The following TTC12 variants were observed in gnomAD, a reference collection of about 807,000 sequenced individuals.
The protein encoded by TTC12 is tetratricopeptide repeat protein 12.
A neutral mutation model predicts 90.1 loss-of-function variants in TTC12; 70 were observed. That is an observed-to-expected ratio of 0.78 (90% CI 0.64 to 0.95). The LOEUF is 0.95. Ranked by LOEUF, TTC12 falls within the 40% of genes least tolerant of loss-of-function variation. The probability of loss-of-function intolerance (pLI) is 0.00; values close to 1 mark genes in which losing one functional copy is unlikely to be tolerated. For synonymous variants in TTC12, 296 were observed against 311.5 expected, an observed-to-expected ratio of 0.95 and a Z score of 0.53; for missense variants, 819 against 846.1, an observed-to-expected ratio of 0.97 and a Z score of 0.40.
chr11:113,325,827 C>G, intron 6 of TTC12, 182 bp downstream of exon 6: 1 of 702,416 alleles, frequency 1.4e-6, no homozygotes, highest in South Asian at 2.1e-5. Flanking sequence ...TGCAAATATT[C>G]TCACCATGAT....
chr11:113,316,545 C>T (rs1317630742), intron 2 of TTC12, among the ~76,000 whole-genome samples: 3 of 152,208 alleles, frequency 2.0e-5, no homozygotes, highest in East Asian at 1.9e-4. Flanking sequence ...TTCAGGCTGA[C>T]GGTTTTCTTC....
chr11:113,357,727 G>T (rs1949702573), intron 16 of TTC12, among the ~76,000 whole-genome samples: 1 of 152,174 alleles, frequency 6.6e-6, no homozygotes, highest in South Asian at 2.1e-4. Context: ...TTCTGGACTG[G>T]ATGCTCTAAC....
At chr11:113,364,073 A>G in intron 20 of TTC12, 146 bp downstream of exon 20, 1 of 607,554 alleles carries the variant, frequency 1.6e-6, no homozygotes, top group African/African-American at 1.9e-5. Context: ...AAGATGTTTC[A>G]CATCCAGATC....
rs565626956 is a variant in TTC12, at chr11:113,364,609, G to A, written c.1817-226G>A. 166 of 551,472 alleles carry A rather than the reference G, an allele frequency of 3.0e-4. 2 individuals carry two copies. The highest frequency in any genetic ancestry group is 2.8e-3 in the South Asian group (140 of 49,404). 34.2% of individuals were successfully genotyped at this position (551,472 alleles called of 1,614,324 possible). On this transcript the variant is annotated intron_variant, in intron 20 of 21. Transcript: ENST00000529221. Reference sequence around the variant, plus strand: ...TCATCTAACAACTGTGTTGTGCTGGGCACTGTTCTAGGAAGCGGAGATACT... The same window carrying A: ...TCATCTAACAACTGTGTTGTGCTGGACACTGTTCTAGGAAGCGGAGATACT...
intron 16 of TTC12, among the ~76,000 whole-genome samples, chr11:113,354,002 G>A (rs1448718792): frequency 6.6e-6 from 1 of 152,192 alleles, no homozygotes; most frequent in Non-Finnish European, 1.5e-5. Flanking sequence ...TGTGAAGAAT[G>A]TCAATGGTAG....
At chr11:113,321,424 A>T (rs1408879721) in intron 2 of TTC12, among the ~76,000 whole-genome samples, 2 of 152,226 alleles carry the variant, frequency 1.3e-5, no homozygotes, top group African/African-American at 4.8e-5. Context: ...GGCTATCAAT[A>T]AGAGAATGGA....
chr11:113,348,460 GC>G (rs1302571680), intron 13 of TTC12, among the ~76,000 whole-genome samples: 1 of 152,146 alleles, frequency 6.6e-6, no homozygotes, highest in Non-Finnish European at 1.5e-5. Flanking sequence ...CTCTGCTGCT[GC>G]CTCAGTCTGG....
At chr11:113,317,821 C>T (rs1307319720) in intron 2 of TTC12, among the ~76,000 whole-genome samples, 2 of 152,026 alleles carry the variant, frequency 1.3e-5, no homozygotes, top group African/African-American at 2.4e-5. Context: ...ACCTGGCTAA[C>T]TTATGCATAC....
At position 113,362,512 on chromosome 11, in the gene TTC12, C is replaced by T. The variant is rs1555155690; in HGVS notation, c.1716+10C>T. 12 of 1,564,290 alleles carry T rather than the reference C, an allele frequency of 7.7e-6. No individual in the cohort carries two copies. The highest frequency in any genetic ancestry group is 1.7e-4 in the Middle Eastern group (1 of 6,000). ...GATGAAATTCCTGAAGGTAAGATCA[C>T]TTTATTGGTTACAACCCCTGAAATG... On this transcript the variant is annotated intron_variant, in intron 19 of 21. Coordinates refer to ENST00000529221, the MANE Select transcript of TTC12 (RefSeq NM_017868.4).
intron 2 of TTC12, among the ~76,000 whole-genome samples, chr11:113,320,703 A>G (rs1301546241): frequency 6.6e-6 from 1 of 152,224 alleles, no homozygotes; most frequent in African/African-American, 2.4e-5. Context: ...TTAACAATCA[A>G]GTCGTCCGCA....
intron 12 of TTC12, among the ~76,000 whole-genome samples, chr11:113,342,191 G>A (rs531776978): frequency 3.3e-5 from 5 of 152,206 alleles, no homozygotes; most frequent in African/African-American, 4.8e-5. Flanking sequence ...CATGACTTCT[G>A]TTCATGCACT....
chr11:113,365,045 G>A lies in TTC12; in HGVS notation c.2027G>A (p.Cys676Tyr), dbSNP rs1950134198. 2 of 1,613,804 alleles carry A rather than the reference G, an allele frequency of 1.2e-6. No individual in the cohort carries two copies. The highest frequency in any genetic ancestry group is 1.7e-6 in the Non-Finnish European group (2 of 1,179,920). ...GCAGGCATTGCTCTGGGGAAGCTGTGCACAGCTGAGCCCAGGTATGCTGTG... is the reference window on the plus strand; with the variant it reads ...GCAGGCATTGCTCTGGGGAAGCTGTACACAGCTGAGCCCAGGTATGCTGTG... The part of the protein sequence containing the change: ...VNAGIALGKL[C>Y]TAEPRFAAQL... Residue 676 changes from cysteine to tyrosine, a missense_variant, in exon 21 of 22, where the codon TGC becomes TAC. Transcript: ENST00000529221.
At chr11:113,333,465 A>T (rs1456512132) in intron 7 of TTC12, among the ~76,000 whole-genome samples, 1 of 152,026 alleles carries the variant, frequency 6.6e-6, no homozygotes, top group African/African-American at 2.4e-5. Flanking sequence ...TTTTTTCTGT[A>T]GCACCTTTCT....
At chr11:113,341,629 C>T (rs1948692829) in intron 11 of TTC12, 5 of 556,928 alleles carry the variant, frequency 9.0e-6, no homozygotes, top group African/African-American at 7.6e-5. Flanking sequence ...TGCCCAGCCT[C>T]TGTGCAGCCC....
intron 7 of TTC12, among the ~76,000 whole-genome samples, chr11:113,330,830 T>G (rs1476509330): frequency 1.3e-5 from 2 of 152,194 alleles, no homozygotes; most frequent in Non-Finnish European, 2.9e-5. Context: ...TTCATAAAAC[T>G]TATCTTTGTT....
chr11:113,373,137 G>A (rs1950428331), exon 22 of TTC12: 3 of 947,048 alleles, frequency 3.2e-6, no homozygotes, highest in African/African-American at 3.6e-5. Context: ...AGGAAACTGA[G>A]GTGCAAAGCA....
At chr11:113,345,262 C>A (rs1479305698) in intron 13 of TTC12, among the ~76,000 whole-genome samples, 2 of 152,124 alleles carry the variant, frequency 1.3e-5, no homozygotes, top group Non-Finnish European at 2.9e-5. Context: ...CAGGAGATGA[C>A]CCTTCTGAGT....
chr11:113,372,518 T>A (rs1950412459), intron 21 of TTC12, among the ~76,000 whole-genome samples: 1 of 152,224 alleles, frequency 6.6e-6, no homozygotes, highest in Non-Finnish European at 1.5e-5. Flanking sequence ...CAGAGCTTTT[T>A]AAATTCTCTG....
rs1043986761 is a variant in TTC12, at chr11:113,338,908, T to A, written c.637+74T>A. ...GCCCCCTGCCTTAGAATGCCTTCCG[T>A]GCTTTCACTGCCCTTGGCCACTAGG... On this transcript the variant is annotated intron_variant, in intron 9 of 21. Coordinates refer to ENST00000529221, the MANE Select transcript of TTC12 (RefSeq NM_017868.4). The A allele has an allele frequency of 4.4e-5, 59 of 1,354,542 alleles. 1 individual carries two copies. The East Asian group carries it at 1.3e-3, about 30-fold the overall frequency. The allele number at this position is 1,354,542 out of a possible 1,614,324, so 83.9% of individuals were successfully genotyped here. A position where few individuals can be genotyped will look rare whatever the true frequency, so the allele number is the denominator to read the frequency against.
Sources: gnomAD v4.1 joint callset for allele counts (sites outside exome capture counted in the v4.1 genomes callset) on GRCh38, gnomAD v4.1.1 for gene constraint, MANE v1.5 for transcripts, NCBI Gene and HGNC (gene_info 2026-07-23, HGNC 2026-07-21) for gene names.